Variants in PRR5L observed in about 807,000 individuals in gnomAD.
PRR5L encodes the protein proline rich 5 like.
PRR5L carries 21 observed loss-of-function variants against 36.4 expected under a neutral mutation model. That is an observed-to-expected ratio of 0.58 (90% CI 0.41 to 0.83). The LOEUF (loss-of-function observed/expected upper bound fraction) is 0.83, where lower values mean the gene tolerates loss of function less well. PRR5L is among the 40% of genes least tolerant of loss of function. The pLI is 0.00. For missense variants in PRR5L, 381 were observed against 473.3 expected (o/e 0.80, Z 1.81); for synonymous variants, 188 against 197.0 (o/e 0.95, Z 0.38).
intron 1 of PRR5L, among the ~76,000 whole-genome samples, chr11:36,393,352 T>G (rs1413337346): frequency 6.6e-6 from 1 of 152,218 alleles, no homozygotes; most frequent in African/African-American, 2.4e-5. Context: ...TTGGTTTGAT[T>G]TTTATATATA....
At chr11:36,324,373 G>A (rs1213098657) in intron 1 of PRR5L, among the ~76,000 whole-genome samples, 1 of 152,060 alleles carries the variant, frequency 6.6e-6, no homozygotes, top group Non-Finnish European at 1.5e-5. Context: ...TCAAAATAGT[G>A]GTTAATTCTA....
At chr11:36,355,620 G>GCTCACTGCAACCT (rs1857018543) in intron 1 of PRR5L, among the ~76,000 whole-genome samples, 1 of 148,946 alleles carries the variant, frequency 6.7e-6, no homozygotes, top group South Asian at 2.1e-4. Context: ...TGCAATCTCA[G>GCTCACTGCAACCT]CTCACTGCAA....
intron 6 of PRR5L, among the ~76,000 whole-genome samples, chr11:36,441,063 G>A (rs1031996566): frequency 1.3e-5 from 2 of 152,142 alleles, no homozygotes; most frequent in African/African-American, 4.8e-5. Flanking sequence ...TCAACACGAC[G>A]TTTGGAGGGG....
At chr11:36,427,667 C>G (rs900456669) in intron 4 of PRR5L, among the ~76,000 whole-genome samples, 4 of 152,166 alleles carry the variant, frequency 2.6e-5, no homozygotes, top group Non-Finnish European at 5.9e-5. Context: ...GGCTTAAGCC[C>G]CACAGATGTC....
chr11:36,300,237 G>A (rs974769327), intron 1 of PRR5L, among the ~76,000 whole-genome samples: 2 of 152,140 alleles, frequency 1.3e-5, no homozygotes, highest in African/African-American at 2.4e-5. Context: ...CATGGCACTT[G>A]CATCTGCTCA....
chr11:36,331,938 T>G (rs1193715598), intron 1 of PRR5L, among the ~76,000 whole-genome samples: 1 of 152,180 alleles, frequency 6.6e-6, no homozygotes, highest in Non-Finnish European at 1.5e-5. Context: ...TGTCACTCCT[T>G]ACAAGCTGTT....
intron 1 of PRR5L, among the ~76,000 whole-genome samples, chr11:36,375,220 A>G (rs1216345528): frequency 7.3e-6 from 1 of 137,204 alleles, no homozygotes; most frequent in Non-Finnish European, 1.6e-5. Flanking sequence ...TGGATGACAG[A>G]GGGGAAACTG....
chr11:36,317,821 A>T (rs1856573109), intron 1 of PRR5L, among the ~76,000 whole-genome samples: 1 of 152,178 alleles, frequency 6.6e-6, no homozygotes, highest in Admixed American at 6.5e-5. Flanking sequence ...AGCCACCTGA[A>T]TATCCTGACA....
intron 1 of PRR5L, among the ~76,000 whole-genome samples, chr11:36,309,214 G>T (rs1386281100): frequency 1.3e-5 from 2 of 152,156 alleles, no homozygotes; most frequent in African/African-American, 4.8e-5. Context: ...TAAATTCTAA[G>T]AACTTTCTAT....
At chr11:36,313,631 G>A (rs1454996354) in intron 1 of PRR5L, among the ~76,000 whole-genome samples, 2 of 152,142 alleles carry the variant, frequency 1.3e-5, no homozygotes, top group Non-Finnish European at 2.9e-5. Flanking sequence ...GTGAGTCCAA[G>A]TTCATTCCCG....
chr11:36,313,885 G>A (rs1159305638), intron 1 of PRR5L, among the ~76,000 whole-genome samples: 6 of 152,158 alleles, frequency 3.9e-5, no homozygotes, highest in Non-Finnish European at 5.9e-5. Context: ...AGCATGCACT[G>A]GGCAGTTTGG....
chr11:36,417,604 G>T (rs1483928342), intron 3 of PRR5L, among the ~76,000 whole-genome samples: 1 of 152,212 alleles, frequency 6.6e-6, no homozygotes, highest in South Asian at 2.1e-4. Context: ...CAAATATTCT[G>T]TCATGGGAAA....
chr11:36,296,689 A>G lies in PRR5L; in HGVS notation c.-126+251A>G, dbSNP rs558826209. On this transcript the variant is annotated intron_variant, in intron 1 of 8. Coordinates refer to ENST00000530639, the MANE Select transcript of PRR5L (RefSeq NM_001160167.2). ...ATATCTCTGGGTGACCAGGGTCTTCATGGCCCATGTAGATTTACTGAGGTG... is the reference window on the plus strand; with the variant it reads ...ATATCTCTGGGTGACCAGGGTCTTCGTGGCCCATGTAGATTTACTGAGGTG... Among the ~76,000 whole-genome samples the G allele has an allele frequency of 8.5e-5, 13 of 152,314 alleles. No individual in the cohort carries two copies. The South Asian group carries it at 2.5e-3, about 29-fold the overall frequency.
intron 1 of PRR5L, among the ~76,000 whole-genome samples, chr11:36,327,238 C>T (rs983116927): frequency 5.3e-5 from 8 of 152,202 alleles, no homozygotes; most frequent in African/African-American, 1.9e-4. Context: ...CCTCTCCTCT[C>T]GGCCAAGGGG....
chr11:36,339,843 C>T (rs1314638167), intron 1 of PRR5L, among the ~76,000 whole-genome samples: 1 of 152,216 alleles, frequency 6.6e-6, no homozygotes, highest in Non-Finnish European at 1.5e-5. Context: ...CATTAGGAAG[C>T]TTTCTTGGGC....
chr11:36,374,100 T>C (rs796742818), intron 1 of PRR5L, among the ~76,000 whole-genome samples: 1 of 83,486 alleles, frequency 1.2e-5, no homozygotes, highest in African/African-American at 6.6e-5. Context: ...CTTCCTTCCT[T>C]CCTTCCTCTC....
Position 36,414,274 on chromosome 11 carries a change from C to T in PRR5L, c.246-4981C>T, listed in dbSNP as rs1336323213. ...AAATGGTATTTCTAGTTCTACATCC[C>T]TGAGGAATCGCCACACTGACTTCCA... On this transcript the variant is annotated intron_variant, in intron 3 of 8. Coordinates refer to ENST00000530639, the MANE Select transcript of PRR5L (RefSeq NM_001160167.2). 4.0e-5 allele frequency among the ~76,000 whole-genome samples: 6 copies of T among 150,766 alleles called. No individual in the cohort carries two copies. In the East Asian group the frequency reaches 1.2e-3, roughly 30 times the overall value.
Position 36,462,322 on chromosome 11 carries a change from T to G in PRR5L, c.713-20T>G, listed in dbSNP as rs1325390187. On this transcript the variant is annotated intron_variant, in intron 8 of 8. Transcript: ENST00000530639. ...ATACCCCCTCCCCAATAACAGTCTTTGCTGATTTTTCTCTTGCAGCCAGGC... is the reference window on the plus strand; with the variant it reads ...ATACCCCCTCCCCAATAACAGTCTTGGCTGATTTTTCTCTTGCAGCCAGGC... 6.7e-7 allele frequency: 1 copy of G among 1,490,548 alleles called. No individual in the cohort carries two copies. Among genetic ancestry groups the G allele is most frequent in the Non-Finnish European group, 8.9e-7 (1 of 1,120,680 alleles). 92.3% of individuals were successfully genotyped at this position (1,490,548 alleles called of 1,614,324 possible).
intron 1 of PRR5L, among the ~76,000 whole-genome samples, chr11:36,333,444 G>A (rs948112681): frequency 6.6e-6 from 1 of 152,130 alleles, no homozygotes; most frequent in Non-Finnish European, 1.5e-5. Context: ...TCACATTTAT[G>A]TACACAATAG....
Sources: allele counts gnomAD v4.1 joint callset (sites outside exome capture counted in the v4.1 genomes callset), GRCh38; gene constraint gnomAD v4.1.1; transcripts MANE v1.5; gene names NCBI Gene and HGNC (gene_info 2026-07-23, HGNC 2026-07-21).